The following IQGAP2 variants were observed in gnomAD, a reference collection of about 807,000 sequenced individuals.
IQGAP2 encodes IQ motif containing GTPase activating protein 2.
Under a neutral mutation model 201.3 loss-of-function variants are expected in IQGAP2, and 173 were observed. The ratio of observed to expected loss-of-function variants is 0.86; its 90% CI spans 0.76 to 0.98. IQGAP2 has a LOEUF of 0.98. Among genes scored for constraint, IQGAP2 ranks in the 50% least tolerant of loss-of-function variants. The probability of loss-of-function intolerance (pLI) is 0.00; values close to 1 mark genes in which losing one functional copy is unlikely to be tolerated. For missense variants in IQGAP2, 1,687 were observed against 1,864.8 expected, an observed-to-expected ratio of 0.90 and a Z score of 1.76; for synonymous variants, 675 against 673.9, an observed-to-expected ratio of 1.00 and a Z score of -0.03.
intron 2 of IQGAP2, among the ~76,000 whole-genome samples, chr5:76,527,096 C>G (rs1759019059): frequency 6.6e-6 from 1 of 152,140 alleles, no homozygotes; most frequent in African/African-American, 2.4e-5. Context: ...GGCTAACACC[C>G]CATTTAATGT....
At chr5:76,654,540 G>T (rs1309761196) in intron 19 of IQGAP2, among the ~76,000 whole-genome samples, 3 of 152,210 alleles carry the variant, frequency 2.0e-5, no homozygotes, top group African/African-American at 7.2e-5. Flanking sequence ...AGACTCTAGA[G>T]AAATATTTTA....
chr5:76,469,375 T>C (rs1039516905), intron 2 of IQGAP2, among the ~76,000 whole-genome samples: 2 of 152,084 alleles, frequency 1.3e-5, no homozygotes, highest in African/African-American at 2.4e-5. Flanking sequence ...TCTTTACGTA[T>C]AGATGTTAAG....
At chr5:76,638,502 A>G (rs1016130436) in intron 16 of IQGAP2, among the ~76,000 whole-genome samples, 2 of 152,156 alleles carry the variant, frequency 1.3e-5, no homozygotes, top group African/African-American at 2.4e-5. Context: ...TGCCTTGTCC[A>G]TTGTAGTCCT....
chr5:76,494,411 C>A (rs1319649583), intron 2 of IQGAP2, among the ~76,000 whole-genome samples: 1 of 152,152 alleles, frequency 6.6e-6, no homozygotes, highest in Non-Finnish European at 1.5e-5. Flanking sequence ...TCCACTGGTT[C>A]TCTGGCTTGC....
At chr5:76,685,046 T>C (rs1469082208) in intron 30 of IQGAP2, among the ~76,000 whole-genome samples, 1 of 152,156 alleles carries the variant, frequency 6.6e-6, no homozygotes, top group East Asian at 1.9e-4. Context: ...GTGGGTAAGC[T>C]GGAAACAGCC....
intron 2 of IQGAP2, among the ~76,000 whole-genome samples, chr5:76,559,441 G>C (rs1361835114): frequency 6.6e-6 from 1 of 152,152 alleles, no homozygotes; most frequent in East Asian, 1.9e-4. Flanking sequence ...GGAGCTCCCT[G>C]CTTCTTGTGG....
chr5:76,538,270 TC>T (rs1479230893), intron 2 of IQGAP2, among the ~76,000 whole-genome samples: 19 of 152,258 alleles, frequency 1.2e-4, no homozygotes, highest in African/African-American at 4.6e-4. Context: ...CCAATTACCT[TC>T]CACTGGGTCG....
chr5:76,551,062 G>A (rs1203502759), intron 2 of IQGAP2, among the ~76,000 whole-genome samples: 5 of 151,346 alleles, frequency 3.3e-5, no homozygotes, highest in Non-Finnish European at 7.4e-5. Flanking sequence ...GGTGGCTGCC[G>A]GGCGGAGGGG....
chr5:76,641,244 T>A, intron 17 of IQGAP2, 141 bp downstream of exon 17: 1 of 609,744 alleles, frequency 1.6e-6, no homozygotes, highest in Non-Finnish European at 2.8e-6. Context: ...GCCCCTAGTC[T>A]ACTTCACTAA....
intron 1 of IQGAP2, among the ~76,000 whole-genome samples, chr5:76,448,754 A>G (rs1301805456): frequency 1.3e-5 from 2 of 152,162 alleles, no homozygotes; most frequent in African/African-American, 2.4e-5. Context: ...GCAGATCCAC[A>G]TGGACTATGA....
intron 2 of IQGAP2, among the ~76,000 whole-genome samples, chr5:76,474,879 A>G (rs927243999): frequency 2.0e-5 from 3 of 152,036 alleles, no homozygotes; most frequent in Admixed American, 6.5e-5. Flanking sequence ...CACCTGGCTG[A>G]TTTTGTATTT....
rs753648062 is a variant in IQGAP2, at chr5:76,702,466, G to C, written c.4506-16G>C. On this transcript the variant is annotated splice_polypyrimidine_tract_variant and intron_variant, in intron 34 of 35. Coordinates refer to ENST00000274364, the MANE Select transcript of IQGAP2 (RefSeq NM_006633.5). ...TATTTGTAATTTCTCATGTATGAAT[G>C]TTCCTTTCTTCACAGGTTTAAGAAT... is the stretch of plus-strand genomic sequence containing the variant. The C allele has an allele frequency of 1.7e-6, 2 of 1,191,290 alleles. No individual in the cohort carries two copies. Among genetic ancestry groups the C allele is most frequent in the Non-Finnish European group, 2.5e-6 (2 of 797,510 alleles). The allele number at this position is 1,191,290 out of a possible 1,614,324, so 73.8% of individuals were successfully genotyped here.
chr5:76,693,385 G>A lies in IQGAP2; in HGVS notation c.3936G>A (p.Arg1312=), dbSNP rs757123233. ...AGAAGCTGATAATTGATGTGATCCG[G>A]AACCAGCCAGGGAACACATTGACAG... The part of the protein sequence containing the change: ...KTKKLIIDVI[R]NQPGNTLTEI... The change falls in exon 31 of 36, where the codon CGG becomes CGA. Residue 1312 remains arginine (R), a synonymous_variant. Coordinates refer to ENST00000274364, the MANE Select transcript of IQGAP2 (RefSeq NM_006633.5). 3 of 1,613,864 alleles carry A rather than the reference G, an allele frequency of 1.9e-6. No individual in the cohort carries two copies. In the South Asian group the frequency reaches 3.3e-5, roughly 18 times the overall value.
intron 8 of IQGAP2, among the ~76,000 whole-genome samples, chr5:76,591,034 C>T (rs1298226585): frequency 6.6e-6 from 1 of 152,160 alleles, no homozygotes; most frequent in African/African-American, 2.4e-5. Context: ...GAGGTTGAGG[C>T]TGCAGTGAGC....
intron 2 of IQGAP2, among the ~76,000 whole-genome samples, chr5:76,507,519 G>A (rs192006216): frequency 5.3e-5 from 8 of 152,188 alleles, no homozygotes; most frequent in Admixed American, 5.2e-4. Context: ...CATGATCTGT[G>A]AAAGAAAGAA....
chr5:76,630,141 G>T (rs1750580130), intron 14 of IQGAP2, among the ~76,000 whole-genome samples: 1 of 152,180 alleles, frequency 6.6e-6, no homozygotes, highest in Non-Finnish European at 1.5e-5. Flanking sequence ...GCAGTAAAGT[G>T]CTTAAGCTGC....
Position 76,681,393 on chromosome 5 carries a change from T to C in IQGAP2, c.3661-1722T>C, listed in dbSNP as rs552658646. On this transcript the variant is annotated intron_variant, in intron 28 of 35. Coordinates refer to ENST00000274364, the MANE Select transcript of IQGAP2 (RefSeq NM_006633.5). ...AATCGACAACAAAACAACCCAATTA[T>C]AATATAAACAAAGGACTTTAACAGA... Among the ~76,000 whole-genome samples the C allele has an allele frequency of 4.6e-5, 7 of 152,092 alleles. No homozygotes were observed. In the South Asian group the frequency reaches 1.5e-3, roughly 32 times the overall value.
chr5:76,461,248 G>T (rs1228739318), intron 1 of IQGAP2, among the ~76,000 whole-genome samples: 1 of 151,662 alleles, frequency 6.6e-6, no homozygotes, highest in Non-Finnish European at 1.5e-5. Context: ...TGTGCCTGTA[G>T]TCCCAGCTAC....
intron 12 of IQGAP2, chr5:76,609,307 C>T: frequency 7.0e-7 from 1 of 1,423,466 alleles, no homozygotes; most frequent in Non-Finnish European, 9.6e-7. Context: ...TTTATAAATC[C>T]TATAGGGTAA....
Sources: gnomAD v4.1 joint callset for allele counts (sites outside exome capture counted in the v4.1 genomes callset) on GRCh38, gnomAD v4.1.1 for gene constraint, MANE v1.5 for transcripts, NCBI Gene and HGNC (gene_info 2026-07-23, HGNC 2026-07-21) for gene names.